Variants in SEMA3A observed in about 807,000 individuals in gnomAD.
SEMA3A encodes the protein semaphorin 3A, also known as semaphorin-3A.
In SEMA3A, 29 loss-of-function variants were observed where a neutral mutation model predicts 97.9. The ratio of observed to expected loss-of-function variants is 0.30; its 90% CI spans 0.22 to 0.40. The LOEUF (loss-of-function observed/expected upper bound fraction) is 0.40. Among genes scored for constraint, SEMA3A ranks in the 10% least tolerant of loss-of-function variants. The pLI, the probability that SEMA3A is intolerant of heterozygous loss-of-function variation, is 1.00. For missense variants in SEMA3A, 763 were observed against 951.3 expected (o/e 0.80, Z 2.60); for synonymous variants, 321 against 323.7 (o/e 0.99, Z 0.09).
intron 2 of SEMA3A, among the ~76,000 whole-genome samples, chr7:84,310,781 C>T (rs1443447862): frequency 6.6e-6 from 1 of 151,986 alleles, no homozygotes; most frequent in Non-Finnish European, 1.5e-5. Flanking sequence ...AGATTTAAAG[C>T]TGTTATTAAT....
chr7:84,066,071 C>G (rs1012626976), intron 4 of SEMA3A, among the ~76,000 whole-genome samples: 1 of 151,444 alleles, frequency 6.6e-6, no homozygotes, highest in Admixed American at 6.6e-5. Flanking sequence ...GCTTATCCGC[C>G]ATGATCAAGT....
rs549337059 is a variant in SEMA3A, at chr7:84,192,702, C to T, written c.112+1773G>A. On this transcript the variant is annotated intron_variant, in intron 1 of 16. Transcript: ENST00000265362. ...AACCTATTATCATGGAAATAAAATTCTTGCAAAATAAAAAAGTTTAATTCC... is the reference window on the plus strand; with the variant it reads ...AACCTATTATCATGGAAATAAAATTTTTGCAAAATAAAAAAGTTTAATTCC... Among the ~76,000 whole-genome samples the T allele has an allele frequency of 3.3e-5, 5 of 151,908 alleles. No individual in the cohort carries two copies. In the East Asian group the frequency reaches 9.7e-4, roughly 29 times the overall value.
chr7:84,280,063 G>T (rs973046454), intron 3 of SEMA3A, among the ~76,000 whole-genome samples: 1 of 152,046 alleles, frequency 6.6e-6, no homozygotes, highest in East Asian at 1.9e-4. Context: ...ATGTCTGGCT[G>T]ATTTTTGTAT....
chr7:84,360,380 C>T (rs113127307), intron 2 of SEMA3A, among the ~76,000 whole-genome samples: 3,314 of 152,114 alleles, frequency 0.022, 122 homozygotes, highest in African/African-American at 0.075. Context: ...ATCTTTATTT[C>T]GGCCTTCATT....
At chr7:84,282,637 A>G (rs149096172) in intron 3 of SEMA3A, among the ~76,000 whole-genome samples, 1 of 152,244 alleles carries the variant, frequency 6.6e-6, no homozygotes, top group Non-Finnish European at 1.5e-5. Context: ...TCATTTCTGT[A>G]TAGTATCTAT....
chr7:84,279,064 A>C (rs562357892), intron 3 of SEMA3A, among the ~76,000 whole-genome samples: 1 of 152,290 alleles, frequency 6.6e-6, no homozygotes, highest in South Asian at 2.1e-4. Context: ...TTTGAAAATC[A>C]TCATAGTCAC....
intron 2 of SEMA3A, among the ~76,000 whole-genome samples, chr7:84,317,162 G>A (rs1353686931): frequency 6.6e-6 from 1 of 152,028 alleles, no homozygotes; most frequent in Non-Finnish European, 1.5e-5. Flanking sequence ...CAAAACTTAT[G>A]GGAGTATACA....
chr7:84,407,468 C>G (rs1199013725), intron 1 of SEMA3A, among the ~76,000 whole-genome samples: 1 of 151,956 alleles, frequency 6.6e-6, no homozygotes, highest in African/African-American at 2.4e-5. Flanking sequence ...GTCATACTGC[C>G]CAAGGTAATT....
intron 2 of SEMA3A, among the ~76,000 whole-genome samples, chr7:84,357,235 T>C (rs935187098): frequency 1.3e-5 from 2 of 151,978 alleles, no homozygotes; most frequent in Non-Finnish European, 2.9e-5. Flanking sequence ...ACCCATTAAC[T>C]TGTCATTTAC....
intron 1 of SEMA3A, among the ~76,000 whole-genome samples, chr7:84,187,576 A>G (rs571341759): frequency 3.3e-5 from 5 of 152,182 alleles, no homozygotes; most frequent in South Asian, 2.1e-4. Flanking sequence ...TGGAGATAGT[A>G]TTACTCTCAC....
chr7:84,020,499 C>T (rs186898911), intron 6 of SEMA3A, among the ~76,000 whole-genome samples: 19 of 151,804 alleles, frequency 1.3e-4, no homozygotes, highest in Admixed American at 5.2e-4. Context: ...TAACTCACTA[C>T]AACTTTAATT....
At chr7:83,989,954 T>G (rs553094487) in intron 12 of SEMA3A, among the ~76,000 whole-genome samples, 1 of 151,908 alleles carries the variant, frequency 6.6e-6, no homozygotes, top group African/African-American at 2.4e-5. Flanking sequence ...AGTATTCCTA[T>G]TTCTCCACAT....
chr7:84,322,871 G>A (rs1477722436), intron 2 of SEMA3A, among the ~76,000 whole-genome samples: 1 of 152,162 alleles, frequency 6.6e-6, no homozygotes, highest in South Asian at 2.1e-4. Flanking sequence ...TTGCATTTGA[G>A]AAGAGGGGCT....
intron 2 of SEMA3A, among the ~76,000 whole-genome samples, chr7:84,358,053 T>C (rs991145507): frequency 6.6e-6 from 1 of 152,202 alleles, no homozygotes; most frequent in Non-Finnish European, 1.5e-5. Context: ...GTCAGATTAG[T>C]AGATTGGAAA....
intron 3 of SEMA3A, among the ~76,000 whole-genome samples, chr7:84,279,442 C>T (rs973468541): frequency 1.8e-4 from 16 of 89,788 alleles, no homozygotes; most frequent in African/African-American, 2.9e-4. Flanking sequence ...AAAATCAATA[C>T]CCTATAATCT....
intron 12 of SEMA3A, among the ~76,000 whole-genome samples, chr7:83,993,317 T>G: frequency 6.8e-6 from 1 of 146,356 alleles, no homozygotes; most frequent in Non-Finnish European, 1.5e-5. Context: ...CCATTTACAT[T>G]TAAAGTTAAT....
chr7:84,414,078 A>G (rs944981080), intron 1 of SEMA3A, among the ~76,000 whole-genome samples: 1 of 152,258 alleles, frequency 6.6e-6, no homozygotes, highest in African/African-American at 2.4e-5. Context: ...TTATAATAAT[A>G]TTTGTGGCTT....
At chr7:84,169,767 G>T (rs1433984707) in intron 1 of SEMA3A, among the ~76,000 whole-genome samples, 1 of 151,528 alleles carries the variant, frequency 6.6e-6, no homozygotes, top group Non-Finnish European at 1.5e-5. Context: ...AAATTGCAAT[G>T]AGATTAACTT....
intron 1 of SEMA3A, among the ~76,000 whole-genome samples, chr7:84,184,568 A>G (rs555949978): frequency 6.6e-6 from 1 of 152,326 alleles, no homozygotes; most frequent in South Asian, 2.1e-4. Context: ...CAAAAGATAT[A>G]GACTGAAGTA....
Sources: allele counts gnomAD v4.1 joint callset (sites outside exome capture counted in the v4.1 genomes callset), GRCh38; gene constraint gnomAD v4.1.1; transcripts MANE v1.5; gene names NCBI Gene and HGNC (gene_info 2026-07-23, HGNC 2026-07-21).